The following ERI1 variants were observed in gnomAD, a reference collection of about 807,000 sequenced individuals.
ERI1 encodes the protein exoribonuclease 1.
A neutral mutation model predicts 39.7 loss-of-function variants in ERI1; 39 were observed. The ratio of observed to expected loss-of-function variants is 0.98; its 90% CI spans 0.76 to 1.28. ERI1 has a LOEUF of 1.28. Among genes scored for constraint, ERI1 ranks in the 50% most tolerant of loss-of-function variants. The probability of loss-of-function intolerance (pLI) is 0.00; values close to 1 mark genes in which losing one functional copy is unlikely to be tolerated. For missense variants in ERI1, 581 were observed against 416.9 expected (o/e 1.39, Z -3.43); for synonymous variants, 204 against 149.6 (o/e 1.36, Z -2.65).
intron 3 of ERI1, among the ~76,000 whole-genome samples, chr8:9,061,269 C>G (rs1412433821): frequency 6.6e-6 from 1 of 152,050 alleles, no homozygotes; most frequent in Non-Finnish European, 1.5e-5. Flanking sequence ...GTGGATCAGC[C>G]AGATACAGTT....
At chr8:9,015,663 A>C (rs556371449) in intron 3 of ERI1, among the ~76,000 whole-genome samples, 5 of 138,644 alleles carry the variant, frequency 3.6e-5, no homozygotes, top group Non-Finnish European at 6.1e-5. Flanking sequence ...CGGAGCTTGC[A>C]GTGAGCCGAG....
chr8:9,021,084 TC>T (rs1817837964), intron 6 of ERI1, among the ~76,000 whole-genome samples: 1 of 152,196 alleles, frequency 6.6e-6, no homozygotes, highest in African/African-American at 2.4e-5. Flanking sequence ...TCCTGCATCT[TC>T]CTACTATAGC....
chr8:9,003,488 C>T (rs1023270670), intron 1 of ERI1, among the ~76,000 whole-genome samples: 3 of 152,156 alleles, frequency 2.0e-5, no homozygotes, highest in Non-Finnish European at 4.4e-5. Flanking sequence ...TCCATGTAGC[C>T]GTTATGGGTA....
chr8:9,099,052 C>G (rs1799969117), intron 3 of ERI1, among the ~76,000 whole-genome samples: 1 of 152,120 alleles, frequency 6.6e-6, no homozygotes, highest in Non-Finnish European at 1.5e-5. Context: ...CCAGGCTGGT[C>G]TCGAACTCCT....
At chr8:9,083,467 G>A (rs993922704) in intron 3 of ERI1, among the ~76,000 whole-genome samples, 1 of 151,942 alleles carries the variant, frequency 6.6e-6, no homozygotes, top group Admixed American at 6.6e-5. Context: ...CTTTATTAAG[G>A]AAAAATTTAA....
chr8:9,059,755 G>A (rs779233798), intron 3 of ERI1, among the ~76,000 whole-genome samples: 4 of 152,266 alleles, frequency 2.6e-5, no homozygotes, highest in Admixed American at 2.6e-4. Flanking sequence ...ATAGCACCAG[G>A]CGATATCAGC....
chr8:9,059,524 G>A (rs903251275), intron 3 of ERI1, among the ~76,000 whole-genome samples: 1 of 152,024 alleles, frequency 6.6e-6, no homozygotes, highest in African/African-American at 2.4e-5. Context: ...GGGGTTGTTA[G>A]AAGAAACATT....
chr8:9,062,405 C>G (rs1193459170), intron 3 of ERI1, among the ~76,000 whole-genome samples: 8 of 151,486 alleles, frequency 5.3e-5, no homozygotes, highest in Non-Finnish European at 1.0e-4. Flanking sequence ...GTTAAAATGT[C>G]TTGGCCTAAT....
Position 9,024,811 on chromosome 8 carries a change from A to G in ERI1, c.807+4347A>G, listed in dbSNP as rs996171441. On this transcript the variant is annotated intron_variant, in intron 6 of 6. Coordinates refer to ENST00000250263, the MANE Select transcript of ERI1 (RefSeq NM_153332.4). ...AGGATGAAATACACCTCTTGACTGT[A>G]AAATGTGTTTTCTTTTTTTTTGTCC... is the stretch of plus-strand genomic sequence containing the variant. 3.5e-4 allele frequency among the ~76,000 whole-genome samples: 54 copies of G among 152,306 alleles called. 2 individuals are homozygous for G. The highest frequency in any genetic ancestry group is 2.9e-5 in the Non-Finnish European group (2 of 68,030).
chr8:9,011,559 TAAAGA>T lies in ERI1; in HGVS notation c.307_311del (p.Lys103GlufsTer7), dbSNP rs1816671904. 1 of 1,609,456 alleles carries T rather than the reference TAAAGA, an allele frequency of 6.2e-7. No homozygotes were observed. The highest frequency in any genetic ancestry group is 1.3e-5 in the African/African-American group (1 of 74,526). ...CTACTTAGAGGAGTAAAGGATGTTCTAAAGAAGAGACTGAAAAACTATTATAAGAA... is the reference window on the plus strand; with the variant it reads ...CTACTTAGAGGAGTAAAGGATGTTCTAGAGACTGAAAAACTATTATAAGAA... On this transcript the variant is annotated frameshift_variant, in exon 3 of 7. Transcript: ENST00000250263. LOFTEE classifies it high-confidence loss of function.
At chr8:9,042,344 G>C (rs756274756) in intron 3 of ERI1, among the ~76,000 whole-genome samples, 1 of 152,128 alleles carries the variant, frequency 6.6e-6, no homozygotes, top group South Asian at 2.1e-4. Context: ...CTATTGCCCT[G>C]ATCTCTCTTT....
chr8:9,097,060 C>T (rs1035149402), intron 3 of ERI1, among the ~76,000 whole-genome samples: 4 of 152,056 alleles, frequency 2.6e-5, no homozygotes, highest in African/African-American at 9.7e-5. Flanking sequence ...TGCCTTTACT[C>T]TTCTAGCTCT....
chr8:9,024,439 A>G (rs1026332466), intron 6 of ERI1, among the ~76,000 whole-genome samples: 9 of 145,538 alleles, frequency 6.2e-5, no homozygotes, highest in Non-Finnish European at 1.2e-4. Flanking sequence ...CTTTTCTTTC[A>G]AGACGGAATC....
At chr8:9,050,214 T>C (rs546650261) in intron 3 of ERI1, among the ~76,000 whole-genome samples, 20 of 152,092 alleles carry the variant, frequency 1.3e-4, no homozygotes, top group Middle Eastern at 3.4e-3. Context: ...ACTATTAGAT[T>C]TTCTAGGTCA....
chr8:9,037,386 C>G (rs930045677), downstream of ERI1, among the ~76,000 whole-genome samples: 3 of 152,264 alleles, frequency 2.0e-5, no homozygotes, highest in African/African-American at 7.2e-5. Context: ...AGCCTTCTTC[C>G]CAGACAGCCC....
chr8:9,016,885 C>G (rs1817355001), intron 4 of ERI1, among the ~76,000 whole-genome samples: 1 of 152,002 alleles, frequency 6.6e-6, no homozygotes, highest in Non-Finnish European at 1.5e-5. Context: ...CCTGGTTTCG[C>G]CATATTGGCC....
At chr8:9,062,331 G>T (rs996291699) in intron 3 of ERI1, among the ~76,000 whole-genome samples, 1 of 151,914 alleles carries the variant, frequency 6.6e-6, no homozygotes, top group Non-Finnish European at 1.5e-5. Flanking sequence ...GCTTTGAACT[G>T]GGGAAAAGGG....
At chr8:9,046,361 C>G (rs1204540768) in intron 3 of ERI1, among the ~76,000 whole-genome samples, 1 of 152,178 alleles carries the variant, frequency 6.6e-6, no homozygotes, top group African/African-American at 2.4e-5. Context: ...AGCACATATG[C>G]GAGACTGCCT....
chr8:9,003,567 A>T (rs187653143), intron 1 of ERI1, among the ~76,000 whole-genome samples: 22 of 152,260 alleles, frequency 1.4e-4, no homozygotes, highest in Admixed American at 1.2e-3. Flanking sequence ...GCCTGTTTTT[A>T]AAAAAAGAAA....
Sources: allele counts gnomAD v4.1 joint callset (sites outside exome capture counted in the v4.1 genomes callset), GRCh38; gene constraint gnomAD v4.1.1; transcripts MANE v1.5; gene names NCBI Gene and HGNC (gene_info 2026-07-23, HGNC 2026-07-21).